The following TMEM132D variants were observed in gnomAD, a reference collection of about 807,000 sequenced individuals.
The protein encoded by TMEM132D is transmembrane protein 132D, also known as mature OL transmembrane protein.
A neutral mutation model predicts 62.3 loss-of-function variants in TMEM132D; 21 were observed. The observed-to-expected ratio is 0.34, with a 90% CI of 0.24 to 0.49. The LOEUF (loss-of-function observed/expected upper bound fraction) is 0.49. TMEM132D is among the 20% of genes least tolerant of loss of function. The pLI is 0.99. For synonymous variants in TMEM132D, 621 were observed against 575.6 expected (o/e 1.08, Z -1.13); for missense variants, 1,346 against 1,402.8 (o/e 0.96, Z 0.65).
At chr12:129,708,478 G>A (rs143574417) in intron 1 of TMEM132D, among the ~76,000 whole-genome samples, 264 of 152,092 alleles carry the variant, frequency 1.7e-3, no homozygotes, top group Middle Eastern at 6.8e-3. Flanking sequence ...GGGGCGTCCT[G>A]TGCCTTGCTG....
intron 3 of TMEM132D, among the ~76,000 whole-genome samples, chr12:129,408,542 CA>C (rs1412170749): frequency 8.1e-5 from 12 of 148,666 alleles, no homozygotes; most frequent in Admixed American, 6.7e-5. Context: ...CTACTGTTTT[CA>C]AAAAGTTTTT....
At chr12:129,211,004 T>C (rs1412057754) in intron 4 of TMEM132D, 1 of 152,186 alleles carries the variant, frequency 6.6e-6, no homozygotes, top group Non-Finnish European at 1.5e-5. Context: ...AGAGAGATCA[T>C]AGGAGCCCAT....
chr12:129,363,323 G>A (rs1435842418), intron 3 of TMEM132D, among the ~76,000 whole-genome samples: 3 of 152,174 alleles, frequency 2.0e-5, no homozygotes, highest in Admixed American at 6.5e-5. Context: ...ATCTAACACC[G>A]TCAGCTCAAT....
intron 3 of TMEM132D, among the ~76,000 whole-genome samples, chr12:129,530,434 T>C (rs1876182794): frequency 6.6e-6 from 1 of 152,054 alleles, no homozygotes; most frequent in Non-Finnish European, 1.5e-5. Context: ...GAAAGTGCAA[T>C]AAAACAAGAA....
chr12:129,233,332 GA>G (rs1879694417), intron 4 of TMEM132D, among the ~76,000 whole-genome samples: 1 of 152,132 alleles, frequency 6.6e-6, no homozygotes, highest in African/African-American at 2.4e-5. Flanking sequence ...CACAGTTTCA[GA>G]AAATGGTTTC....
chr12:129,248,720 C>T (rs1268135319), intron 4 of TMEM132D, among the ~76,000 whole-genome samples: 3 of 152,120 alleles, frequency 2.0e-5, no homozygotes, highest in Non-Finnish European at 4.4e-5. Context: ...CACCCTCCAC[C>T]CTCTGTTAGA....
chr12:129,710,342 C>T (rs1300194236), intron 1 of TMEM132D, among the ~76,000 whole-genome samples: 4 of 152,058 alleles, frequency 2.6e-5, no homozygotes, highest in Non-Finnish European at 4.4e-5. Context: ...GTCACCCAGG[C>T]TGGAGGGCAA....
chr12:129,369,480 A>G (rs1160274542), intron 3 of TMEM132D, among the ~76,000 whole-genome samples: 1 of 152,170 alleles, frequency 6.6e-6, no homozygotes, highest in African/African-American at 2.4e-5. Context: ...ATGAAACACT[A>G]CATTCATCTT....
chr12:129,817,529 G>A (rs1317566737), intron 1 of TMEM132D, among the ~76,000 whole-genome samples: 1 of 152,150 alleles, frequency 6.6e-6, no homozygotes, highest in African/African-American at 2.4e-5. Context: ...TTCAGTCTGA[G>A]AACCCAAAGC....
chr12:129,863,279 GC>G (rs1873954127), intron 1 of TMEM132D, among the ~76,000 whole-genome samples: 1 of 150,270 alleles, frequency 6.7e-6, no homozygotes, highest in Non-Finnish European at 1.5e-5. Flanking sequence ...CCCACCCCCA[GC>G]CCCGATGGAA....
In TMEM132D at chr12:129,074,227, G is replaced by A. The variant is rs190298747; in HGVS notation, c.2948C>T (p.Ser983Leu). 177 of 1,613,994 alleles carry A rather than the reference G, an allele frequency of 1.1e-4. No homozygotes were observed. Among genetic ancestry groups the A allele is most frequent in the Non-Finnish European group, 1.3e-4 (148 of 1,180,016 alleles). The change falls in exon 9 of 9, where the codon TCG becomes TTG. Residue 983 changes from serine to leucine, a missense_variant. Coordinates refer to ENST00000422113, the MANE Select transcript of TMEM132D (RefSeq NM_133448.3). ...LLENHINFAS[S>L]QDEQITAIDR... ...AATGGCAGTGATTTGCTCATCTTGC[G>A]AGGAGGCAAAGTTGATGTGATTCTC...
chr12:129,094,167 C>T (rs1312284630), intron 5 of TMEM132D, among the ~76,000 whole-genome samples: 1 of 152,062 alleles, frequency 6.6e-6, no homozygotes, highest in African/African-American at 2.4e-5. Context: ...CAGCAAAAGC[C>T]AAAATTGACA....
At chr12:129,342,969 C>T (rs1869546375) in intron 3 of TMEM132D, among the ~76,000 whole-genome samples, 4 of 152,210 alleles carry the variant, frequency 2.6e-5, no homozygotes, top group Admixed American at 2.6e-4. Flanking sequence ...CACTTTTACA[C>T]TGTTGGTGGG....
chr12:129,493,195 A>G (rs139584200), intron 3 of TMEM132D, among the ~76,000 whole-genome samples: 108 of 152,330 alleles, frequency 7.1e-4, no homozygotes, highest in African/African-American at 2.4e-3. Flanking sequence ...ACAACCAAAG[A>G]ATCCAAAAAT....
At chr12:129,445,169 A>G (rs1873060041) in intron 3 of TMEM132D, among the ~76,000 whole-genome samples, 1 of 152,178 alleles carries the variant, frequency 6.6e-6, no homozygotes, top group South Asian at 2.1e-4. Context: ...AGCAACATGG[A>G]TAGAGCTGGA....
At chr12:129,454,961 C>G (rs950450848) in intron 3 of TMEM132D, among the ~76,000 whole-genome samples, 1 of 152,108 alleles carries the variant, frequency 6.6e-6, no homozygotes, top group African/African-American at 2.4e-5. Flanking sequence ...ACAGTCAACC[C>G]GAAGAAAGCT....
chr12:129,803,825 CAAAT>C (rs1436418987), intron 1 of TMEM132D, among the ~76,000 whole-genome samples: 1 of 149,482 alleles, frequency 6.7e-6, no homozygotes. Context: ...AGAGAAGAAT[CAAAT>C]AGATGCAATA....
chr12:129,088,269 CTGACCGGGGTGTCCTCTA>C (rs1874730070), intron 5 of TMEM132D, among the ~76,000 whole-genome samples: 1 of 27,414 alleles, frequency 3.6e-5, no homozygotes. Flanking sequence ...GGTGTCCTCC[CTGACCGGGGTGTCCTCTA>C]TGACCGGGTG....
rs553432733 is a variant in TMEM132D at position 129,524,053 on chromosome 12, G to A, written c.1115+7006C>T. Among the ~76,000 whole-genome samples, 7 of 152,112 alleles carry A rather than the reference G, an allele frequency of 4.6e-5. 1 individual carries two copies. In the South Asian group the frequency reaches 8.3e-4, roughly 18 times the overall value. On this transcript the variant is annotated intron_variant, in intron 3 of 8. Transcript: ENST00000422113. The stretch of plus-strand genomic sequence containing the variant: ...CAATGAGAACACATGGACACAGGAA[G>A]GGGAACATCACACACCGGGGCCTGT...
Sources: allele counts gnomAD v4.1 joint callset (sites outside exome capture counted in the v4.1 genomes callset), GRCh38; gene constraint gnomAD v4.1.1; transcripts MANE v1.5; gene names NCBI Gene and HGNC (gene_info 2026-07-23, HGNC 2026-07-21).